The following PPP3CB variants were observed in gnomAD, a reference collection of about 807,000 sequenced individuals.
PPP3CB encodes the protein protein phosphatase 3 catalytic subunit beta.
Under a neutral mutation model 66.4 loss-of-function variants are expected in PPP3CB, and 8 were observed. The observed-to-expected ratio is 0.12, with a 90% CI of 0.07 to 0.22. PPP3CB has a LOEUF of 0.22. PPP3CB is among the 10% of genes least tolerant of loss of function. The pLI is 1.00. For synonymous variants in PPP3CB, 208 were observed against 221.2 expected, an observed-to-expected ratio of 0.94 and a Z score of 0.53; for missense variants, 319 against 642.5, an observed-to-expected ratio of 0.50 and a Z score of 5.44.
intron 1 of PPP3CB, among the ~76,000 whole-genome samples, chr10:73,483,120 C>G (rs954433065): frequency 2.0e-4 from 30 of 152,104 alleles, no homozygotes; most frequent in African/African-American, 5.3e-4. Flanking sequence ...ATGTATTCAC[C>G]TGAAAAAGAA....
chr10:73,451,088 T>C (rs903362560), intron 10 of PPP3CB, among the ~76,000 whole-genome samples: 2 of 152,218 alleles, frequency 1.3e-5, no homozygotes, highest in South Asian at 4.1e-4. Flanking sequence ...CCAAGTACTA[T>C]AATTAGACTT....
chr10:73,470,566 G>T, intron 8 of PPP3CB, 121 bp downstream of exon 8: 2 of 604,240 alleles, frequency 3.3e-6, no homozygotes, highest in Non-Finnish European at 5.5e-6. Context: ...CCATCTTACA[G>T]TTATTTATAA....
intron 1 of PPP3CB, among the ~76,000 whole-genome samples, chr10:73,495,166 T>C (rs1343142519): frequency 6.6e-6 from 1 of 152,218 alleles, no homozygotes; most frequent in Non-Finnish European, 1.5e-5. Flanking sequence ...ATTTTTTTTT[T>C]CGTTTATGCT....
At chr10:73,447,729 C>T (rs1041532) in intron 10 of PPP3CB, among the ~76,000 whole-genome samples, 15,818 of 151,994 alleles carry the variant, frequency 0.1, 1,187 homozygotes, top group East Asian at 0.3. Context: ...ACTTGAAAGA[C>T]AGAAACAAAA....
At chr10:73,485,002 G>A (rs776817593) in intron 1 of PPP3CB, among the ~76,000 whole-genome samples, 13 of 151,444 alleles carry the variant, frequency 8.6e-5, no homozygotes, top group Middle Eastern at 3.4e-3. Flanking sequence ...GCAGTGAGCC[G>A]AGATCACACC....
At chr10:73,441,256 T>C (rs989119600) in intron 12 of PPP3CB, among the ~76,000 whole-genome samples, 5 of 152,170 alleles carry the variant, frequency 3.3e-5, no homozygotes, top group African/African-American at 1.2e-4. Flanking sequence ...CCAAAAGAAT[T>C]AGGACGAACA....
At chr10:73,485,950 G>GTT in intron 1 of PPP3CB, among the ~76,000 whole-genome samples, 1 of 124,690 alleles carries the variant, frequency 8.0e-6, no homozygotes, top group Admixed American at 8.6e-5. Flanking sequence ...GTGTGTGTGT[G>GTT]TATTTTTTTT....
At chr10:73,477,084 C>T (rs1254359503) in intron 3 of PPP3CB, 9 of 500,326 alleles carry the variant, frequency 1.8e-5, no homozygotes, top group Admixed American at 4.3e-5. Context: ...ACTAATAATA[C>T]CTTGGGCAAG....
intron 2 of PPP3CB, 28 bp from the exon 3 acceptor site, chr10:73,478,651 G>GA (rs759317211): frequency 6.3e-6 from 10 of 1,590,718 alleles, no homozygotes; most frequent in South Asian, 3.4e-5. Context: ...TTAGATAAGG[G>GA]AAAAAAATCT....
intron 1 of PPP3CB, among the ~76,000 whole-genome samples, chr10:73,487,407 G>C (rs1193918849): frequency 1.3e-5 from 2 of 151,648 alleles, no homozygotes; most frequent in African/African-American, 2.4e-5. Flanking sequence ...AATTAGCGGG[G>C]CGTGGTGGCA....
chr10:73,474,822 T>C (rs921189358), intron 4 of PPP3CB, 97 bp downstream of exon 4: 33 of 1,484,112 alleles, frequency 2.2e-5, no homozygotes, highest in African/African-American at 5.7e-5. Context: ...AAATCTGTCC[T>C]TACATGTTGC....
In PPP3CB at chr10:73,443,278, A is replaced by C. The variant is rs374617777; in HGVS notation, c.1366+1447T>G. ...AGAGAGAGAGAGAGAGAAAGAAAGA[A>C]AGAAAGACAGAAAGAAAGAAAGAAA... On this transcript the variant is annotated intron_variant, in intron 12 of 13. Coordinates refer to ENST00000360663, the MANE Select transcript of PPP3CB (RefSeq NM_021132.4). Among the ~76,000 whole-genome samples the C allele has an allele frequency of 3.0e-3, 314 of 103,234 alleles. 1 individual carries two copies. Among genetic ancestry groups the C allele is most frequent in the African/African-American group, 0.011 (284 of 26,548 alleles). 67.7% of individuals were successfully genotyped at this position (103,234 alleles called of 152,430 possible). A position where few individuals can be genotyped will look rare whatever the true frequency, so the allele number is the denominator to read the frequency against.
Position 73,475,546 on chromosome 10 carries a change from T to C in PPP3CB, c.412-516A>G, listed in dbSNP as rs560031131. On this transcript the variant is annotated intron_variant, in intron 3 of 13. Transcript: ENST00000360663. ...CCAAAACCACAAAACTTCTAAGTGA[T>C]GGAGATAGGATTCTGATCCTCTGAT... Among the ~76,000 whole-genome samples the C allele has an allele frequency of 5.3e-5, 8 of 152,334 alleles. No homozygotes were observed. The South Asian group carries it at 1.7e-3, about 32-fold the overall frequency.
chr10:73,490,022 G>C (rs1162336965), intron 1 of PPP3CB, among the ~76,000 whole-genome samples: 1 of 152,026 alleles, frequency 6.6e-6, no homozygotes, highest in African/African-American at 2.4e-5. Context: ...TTATAATAGT[G>C]TCTCCCCCAC....
chr10:73,484,941 T>C (rs1184407470), intron 1 of PPP3CB, among the ~76,000 whole-genome samples: 1 of 152,016 alleles, frequency 6.6e-6, no homozygotes, highest in African/African-American at 2.4e-5. Context: ...TAATCCCAGC[T>C]ACTCAGGAGG....
At chr10:73,461,264 T>C (rs2056516492) in intron 9 of PPP3CB, among the ~76,000 whole-genome samples, 3 of 152,154 alleles carry the variant, frequency 2.0e-5, no homozygotes, top group Admixed American at 6.5e-5. Context: ...CTGGCCAACA[T>C]AGTGAAACCC....
At chr10:73,452,898 T>C (rs1004919685) in intron 10 of PPP3CB, among the ~76,000 whole-genome samples, 5 of 152,166 alleles carry the variant, frequency 3.3e-5, no homozygotes, top group Non-Finnish European at 7.3e-5. Flanking sequence ...TTTCAACAAA[T>C]GGGCTTTCAA....
intron 9 of PPP3CB, among the ~76,000 whole-genome samples, chr10:73,462,395 C>T (rs886294082): frequency 6.6e-6 from 1 of 151,874 alleles, no homozygotes; most frequent in Non-Finnish European, 1.5e-5. Flanking sequence ...GAGAAAAAAG[C>T]AGACTAGGGA....
chr10:73,495,905 C>T lies in PPP3CB; in HGVS notation c.-16G>A. 4.9e-6 allele frequency: 2 copies of T among 407,858 alleles called. No individual in the cohort carries two copies. Among genetic ancestry groups the T allele is most frequent in the Non-Finnish European group, 7.3e-6 (2 of 272,582 alleles). The allele number at this position is 407,858 out of a possible 1,614,324, so 25.3% of individuals were successfully genotyped here. On this transcript the variant is annotated 5_prime_UTR_variant, in exon 1 of 14. Transcript: ENST00000360663. The stretch of plus-strand genomic sequence containing the variant: ...GGGCGGCCATGCTGGGCCCGGGGCT[C>T]GGCTAGGCTCTGGGCCGGGCGGGGT...
Sources: gnomAD v4.1 joint callset for allele counts (sites outside exome capture counted in the v4.1 genomes callset) on GRCh38, gnomAD v4.1.1 for gene constraint, MANE v1.5 for transcripts, NCBI Gene and HGNC (gene_info 2026-07-23, HGNC 2026-07-21) for gene names.